The following GNA14 variants were observed in gnomAD, a reference collection of about 807,000 sequenced individuals.
GNA14 encodes the protein G protein subunit alpha 14.
GNA14 carries 50 observed loss-of-function variants against 42.0 expected under a neutral mutation model. The ratio of observed to expected loss-of-function variants is 1.19; its 90% CI spans 0.95 to 1.51. GNA14 has a LOEUF of 1.51. Among genes scored for constraint, GNA14 ranks in the 40% most tolerant of loss-of-function variants. The pLI, the probability that GNA14 is intolerant of heterozygous loss-of-function variation, is 0.00. For missense variants in GNA14, 473 were observed against 446.2 expected (o/e 1.06, Z -0.54); for synonymous variants, 173 against 163.1 (o/e 1.06, Z -0.46).
chr9:77,458,078 T>C (rs1016819524), intron 2 of GNA14, among the ~76,000 whole-genome samples: 4 of 152,216 alleles, frequency 2.6e-5, no homozygotes, highest in African/African-American at 9.6e-5. Flanking sequence ...CATTTCTGCC[T>C]GGGATCGGGA....
intron 1 of GNA14, among the ~76,000 whole-genome samples, chr9:77,588,180 T>C (rs1487703838): frequency 6.6e-6 from 1 of 152,294 alleles, no homozygotes; most frequent in East Asian, 1.9e-4. Flanking sequence ...AAAGTCCCTT[T>C]TGCCATGTCA....
chr9:77,463,107 G>A lies in GNA14; in HGVS notation c.310-28585C>T, dbSNP rs371382873. Among the ~76,000 whole-genome samples the A allele has an allele frequency of 2.8e-3, 431 of 152,258 alleles. 4 individuals carry two copies. Among genetic ancestry groups the A allele is most frequent in the African/African-American group, 9.2e-3 (382 of 41,534 alleles). ...GATCTTGATCCTCTGCTGCGAATGCGAAGGGCACCATTTCCAAATACAGAG... is the reference window on the plus strand; with the variant it reads ...GATCTTGATCCTCTGCTGCGAATGCAAAGGGCACCATTTCCAAATACAGAG... On this transcript the variant is annotated intron_variant, in intron 2 of 6. Coordinates refer to ENST00000341700, the MANE Select transcript of GNA14 (RefSeq NM_004297.4).
intron 1 of GNA14, among the ~76,000 whole-genome samples, chr9:77,611,794 G>A (rs542229091): frequency 6.6e-6 from 1 of 152,242 alleles, no homozygotes; most frequent in Admixed American, 6.5e-5. Context: ...ATACCCTGAT[G>A]CTGAAGTTAA....
At chr9:77,615,524 T>G (rs1823797596) in intron 1 of GNA14, among the ~76,000 whole-genome samples, 1 of 152,112 alleles carries the variant, frequency 6.6e-6, no homozygotes, top group Non-Finnish European at 1.5e-5. Context: ...TTCCTTCTGC[T>G]GCAGATCACC....
chr9:77,519,753 G>A (rs774596020), intron 2 of GNA14, among the ~76,000 whole-genome samples: 1 of 152,132 alleles, frequency 6.6e-6, no homozygotes, highest in Non-Finnish European at 1.5e-5. Context: ...ACTCACACCT[G>A]TAGTCCCAGC....
chr9:77,508,211 A>G (rs574127988), intron 2 of GNA14, among the ~76,000 whole-genome samples: 2 of 152,338 alleles, frequency 1.3e-5, no homozygotes, highest in East Asian at 3.9e-4. Flanking sequence ...AAGAAAATAC[A>G]TCTAGAAAAT....
At chr9:77,557,837 A>C (rs1381890223) in intron 1 of GNA14, among the ~76,000 whole-genome samples, 1 of 152,210 alleles carries the variant, frequency 6.6e-6, no homozygotes, top group Non-Finnish European at 1.5e-5. Flanking sequence ...TAATGTTTTT[A>C]TATTAGCTAT....
chr9:77,645,552 T>TC (rs1824338844), intron 1 of GNA14, among the ~76,000 whole-genome samples: 1 of 152,192 alleles, frequency 6.6e-6, no homozygotes, highest in Non-Finnish European at 1.5e-5. Context: ...AATGGGAGTT[T>TC]CCAGAGGTCA....
intron 2 of GNA14, among the ~76,000 whole-genome samples, chr9:77,515,960 C>CAAAAAAAAAAA (rs1158448237): frequency 0.077 from 4,030 of 52,668 alleles, 684 homozygotes; most frequent in East Asian, 0.22. Context: ...CCCTGTCTCA[C>CAAAAAAAAAAA]AAAAAAAAAA....
rs35715329 is a variant in GNA14, at chr9:77,571,756, C to CAAA, written c.125-42506_125-42504dup. Among the ~76,000 whole-genome samples the CAAA allele has an allele frequency of 2.2e-3, 283 of 129,824 alleles. 1 individual carries two copies. Among genetic ancestry groups the CAAA allele is most frequent in the Non-Finnish European group, 3.6e-3 (226 of 63,068 alleles). 85.2% of individuals were successfully genotyped at this position (129,824 alleles called of 152,430 possible). A position where few individuals can be genotyped will look rare whatever the true frequency, so the allele number is the denominator to read the frequency against. On this transcript the variant is annotated intron_variant, in intron 1 of 6. Transcript: ENST00000341700. The stretch of plus-strand genomic sequence containing the variant: ...GGCAACAAGAGCAAACCTCTGCCTT[C>CAAA]AAAAAAAAAAAAAAAGGTTAAGTGC...
intron 1 of GNA14, among the ~76,000 whole-genome samples, chr9:77,541,725 C>T (rs916271893): frequency 4.0e-5 from 6 of 151,348 alleles, no homozygotes; most frequent in African/African-American, 1.5e-4. Flanking sequence ...AGGCTTTGCA[C>T]TTTCTTTTTT....
chr9:77,504,410 C>A (rs13301526), intron 2 of GNA14, among the ~76,000 whole-genome samples: 1 of 152,202 alleles, frequency 6.6e-6, no homozygotes, highest in East Asian at 1.9e-4. Context: ...GGACACTCTT[C>A]TGAAGGCCAA....
chr9:77,588,539 G>A (rs1823340467), intron 1 of GNA14, among the ~76,000 whole-genome samples: 1 of 152,192 alleles, frequency 6.6e-6, no homozygotes, highest in Admixed American at 6.5e-5. Context: ...AGCTGAATGA[G>A]TCACGGGGTG....
At chr9:77,582,832 A>C (rs541816778) in intron 1 of GNA14, among the ~76,000 whole-genome samples, 1 of 152,246 alleles carries the variant, frequency 6.6e-6, no homozygotes, top group South Asian at 2.1e-4. Flanking sequence ...CAAGACATTG[A>C]GCTCTGTAAA....
At chr9:77,452,163 T>C (rs565406837) in intron 2 of GNA14, among the ~76,000 whole-genome samples, 31 of 152,276 alleles carry the variant, frequency 2.0e-4, no homozygotes, top group African/African-American at 7.0e-4. Flanking sequence ...AGGTCTGAGA[T>C]AGACGTGTAG....
intron 2 of GNA14, among the ~76,000 whole-genome samples, chr9:77,482,696 C>G (rs1587790310): frequency 6.6e-6 from 1 of 152,220 alleles, no homozygotes; most frequent in Non-Finnish European, 1.5e-5. Context: ...GTACACCAAT[C>G]AGACCTAGAT....
intron 1 of GNA14, among the ~76,000 whole-genome samples, chr9:77,547,352 T>C (rs1206090129): frequency 6.6e-6 from 1 of 152,240 alleles, no homozygotes; most frequent in Non-Finnish European, 1.5e-5. Flanking sequence ...TCCTATTTGA[T>C]GTATCTTCAA....
intron 2 of GNA14, among the ~76,000 whole-genome samples, chr9:77,451,881 T>G (rs1242881349): frequency 6.6e-6 from 1 of 152,168 alleles, no homozygotes; most frequent in African/African-American, 2.4e-5. Flanking sequence ...CTATTTCCTG[T>G]CAAAAAATCC....
chr9:77,460,635 G>A lies in GNA14; in HGVS notation c.310-26113C>T, dbSNP rs1027238401. Among the ~76,000 whole-genome samples the A allele has an allele frequency of 2.6e-5, 4 of 152,296 alleles. No individual in the cohort carries two copies. The East Asian group carries it at 7.7e-4, about 29-fold the overall frequency. ...AGAATCCCTGCAGGTCCTCACGGGA[G>A]CTCCTAGGAAAGAAAGGGCTGTGGG... On this transcript the variant is annotated intron_variant, in intron 2 of 6. Coordinates refer to ENST00000341700, the MANE Select transcript of GNA14 (RefSeq NM_004297.4).
Sources: allele counts gnomAD v4.1 joint callset (sites outside exome capture counted in the v4.1 genomes callset), GRCh38; gene constraint gnomAD v4.1.1; transcripts MANE v1.5; gene names NCBI Gene and HGNC (gene_info 2026-07-23, HGNC 2026-07-21).